The following DOCK7 variants were observed in gnomAD, a reference collection of about 807,000 sequenced individuals.
DOCK7 encodes the protein dedicator of cytokinesis protein 7.
A neutral mutation model predicts 271.0 loss-of-function variants in DOCK7; 138 were observed. That is an observed-to-expected ratio of 0.51 (90% CI 0.44 to 0.59). The LOEUF is 0.59. Ranked by LOEUF, DOCK7 falls within the 20% of genes least tolerant of loss-of-function variation. The pLI, the probability that DOCK7 is intolerant of heterozygous loss-of-function variation, is 0.00. For missense variants in DOCK7, 2,066 were observed against 2,592.4 expected (o/e 0.80, Z 4.41); for synonymous variants, 823 against 876.1 (o/e 0.94, Z 1.07).
intron 23 of DOCK7, among the ~76,000 whole-genome samples, chr1:62,544,599 G>A (rs1299941301): frequency 2.6e-5 from 4 of 152,006 alleles, no homozygotes; most frequent in Non-Finnish European, 5.9e-5. Context: ...AAAACTGTTG[G>A]GTTTTTTCCT....
At position 62,537,931 on chromosome 1, in the gene DOCK7, G is replaced by C. The variant is rs780185962; in HGVS notation, c.3431C>G (p.Pro1144Arg). Residue 1144 changes from proline (P) to arginine (R), a missense_variant, in exon 28 of 50, where the codon CCT becomes CGT. Around this residue, in one of 2 missense-constraint regions of DOCK7, gnomAD observed 1,414 missense variants for 1,670.4 expected, o/e 0.85. Transcript: ENST00000635253. ...AGAAACAGAAGGTGATGGAGATGCA[G>C]GTGGAGTAAGTAAGCTGCAGGGTAA... ...LNLPCSLLTP[P>R]ASPSPSVSSA... The C allele has an allele frequency of 1.2e-6, 2 of 1,613,962 alleles. No homozygotes were observed. The highest frequency in any genetic ancestry group is 8.5e-7 in the Non-Finnish European group (1 of 1,179,892).
chr1:62,665,839 T>C (rs1335166099), intron 1 of DOCK7, among the ~76,000 whole-genome samples: 2 of 151,132 alleles, frequency 1.3e-5, no homozygotes, highest in Admixed American at 6.6e-5. Context: ...ATGAGTAAAC[T>C]GAATAGTAAA....
intron 48 of DOCK7, among the ~76,000 whole-genome samples, chr1:62,471,337 T>C (rs983755988): frequency 1.3e-5 from 2 of 152,152 alleles, no homozygotes; most frequent in African/African-American, 2.4e-5. Flanking sequence ...AGAAACTTTT[T>C]AGAATGTACT....
chr1:62,535,396 A>G, intron 29 of DOCK7, 97 bp downstream of exon 29: 2 of 1,023,800 alleles, frequency 2.0e-6, no homozygotes, highest in Non-Finnish European at 2.8e-6. Context: ...AGTGTGAAAG[A>G]TTATTCTCCT....
chr1:62,463,908 A>G (rs1645600127), intron 48 of DOCK7, among the ~76,000 whole-genome samples: 1 of 152,216 alleles, frequency 6.6e-6, no homozygotes. Flanking sequence ...GGTGGTAGAC[A>G]CATGACTTTT....
chr1:62,477,513 T>A (rs1646001007), intron 44 of DOCK7, among the ~76,000 whole-genome samples, 187 bp downstream of exon 44: 1 of 152,354 alleles, frequency 6.6e-6, no homozygotes, highest in Non-Finnish European at 1.5e-5. Context: ...ACAATATTAC[T>A]ATTTTATTGC....
chr1:62,553,330 A>C (rs1376772693), intron 21 of DOCK7, among the ~76,000 whole-genome samples: 1 of 3,626 alleles, frequency 2.8e-4, no homozygotes, highest in African/African-American at 1.2e-3. Context: ...ATATATATAT[A>C]TATATATATA....
chr1:62,635,047 T>C, intron 8 of DOCK7, 125 bp from the exon 9 acceptor site: 2 of 497,152 alleles, frequency 4.0e-6, no homozygotes, highest in Non-Finnish European at 7.0e-6. Context: ...CTGTTTTCAA[T>C]TACAGTAATT....
intron 48 of DOCK7, 171 bp from the exon 49 acceptor site, chr1:62,457,876 A>G: frequency 1.7e-6 from 1 of 583,036 alleles, no homozygotes; most frequent in Non-Finnish European, 2.9e-6. Flanking sequence ...TAGGCCAGGC[A>G]TGGTGGCTCA....
intron 2 of DOCK7, among the ~76,000 whole-genome samples, chr1:62,656,034 T>A (rs76949562): frequency 6.6e-6 from 1 of 152,276 alleles, no homozygotes; most frequent in South Asian, 2.1e-4. Flanking sequence ...ACCTATCTTA[T>A]TAAGTACAAA....
chr1:62,686,110 G>A (rs1170095570), intron 1 of DOCK7, among the ~76,000 whole-genome samples: 1 of 151,690 alleles, frequency 6.6e-6, no homozygotes, highest in African/African-American at 2.4e-5. Flanking sequence ...ATAAACTTCT[G>A]GTTCTAATAA....
chr1:62,592,208 A>G (rs1335138087), intron 14 of DOCK7, among the ~76,000 whole-genome samples: 3 of 152,314 alleles, frequency 2.0e-5, no homozygotes, highest in Non-Finnish European at 4.4e-5. Flanking sequence ...AAGTCTTTAC[A>G]TTGCATTTAA....
At chr1:62,469,933 G>A (rs1645782792) in intron 48 of DOCK7, among the ~76,000 whole-genome samples, 1 of 151,450 alleles carries the variant, frequency 6.6e-6, no homozygotes, top group Non-Finnish European at 1.5e-5. Flanking sequence ...ATGGATACTG[G>A]TGTGGATGCG....
chr1:62,558,712 A>G (rs570363725), intron 20 of DOCK7, among the ~76,000 whole-genome samples: 149 of 152,264 alleles, frequency 9.8e-4, no homozygotes, highest in Non-Finnish European at 1.9e-3. Context: ...AACAGTGCCT[A>G]TCAGTGTCAG....
intron 1 of DOCK7, 150 bp downstream of exon 1, chr1:62,688,076 AC>A (rs1205931012): frequency 9.9e-7 from 1 of 1,014,240 alleles, no homozygotes; most frequent in Non-Finnish European, 1.2e-6. Flanking sequence ...CCCCTCAGCC[AC>A]CCCGAACCCC....
chr1:62,502,939 GA>G (rs1646827811), intron 37 of DOCK7, among the ~76,000 whole-genome samples: 1 of 152,002 alleles, frequency 6.6e-6, no homozygotes, highest in African/African-American at 2.4e-5. Context: ...GAAAATTAAA[GA>G]ACAGGCAAAG....
At chr1:62,646,591 T>C (rs887003577) in intron 7 of DOCK7, among the ~76,000 whole-genome samples, 2 of 152,198 alleles carry the variant, frequency 1.3e-5, no homozygotes, top group African/African-American at 4.8e-5. Flanking sequence ...AAAAGTCATG[T>C]GAGAATGCAG....
chr1:62,510,961 G>C lies in DOCK7; in HGVS notation c.4283-288C>G, dbSNP rs571321213. 3.8e-5 allele frequency: 11 copies of C among 292,904 alleles called. No individual in the cohort carries two copies. The South Asian group carries it at 5.6e-4, about 15-fold the overall frequency. 18.1% of individuals were successfully genotyped at this position (292,904 alleles called of 1,614,324 possible). On this transcript the variant is annotated intron_variant, in intron 33 of 49. Transcript: ENST00000635253. ...TAAAATCTTAACCATGGCTTATAAG[G>C]CCTTACATGATATGACTTTATTTCC...
At position 62,496,042 on chromosome 1, in the gene DOCK7, T is replaced by G. The variant is rs1471965801; in HGVS notation, c.4923+297A>C. ...AGAAACTTTAGTTTTTAAGGCATATTATTGTTTGATTAATAAGTAGGAACG... is the reference window on the plus strand; with the variant it reads ...AGAAACTTTAGTTTTTAAGGCATATGATTGTTTGATTAATAAGTAGGAACG... On this transcript the variant is annotated intron_variant, in intron 38 of 49. Coordinates refer to ENST00000635253, the MANE Select transcript of DOCK7 (RefSeq NM_001367561.1). 1.1e-5 allele frequency: 4 copies of G among 379,478 alleles called. No individual in the cohort carries two copies. The South Asian group carries it at 1.8e-4, about 17-fold the overall frequency. 23.5% of individuals were successfully genotyped at this position (379,478 alleles called of 1,614,324 possible).
Sources: gnomAD v4.1 joint callset for allele counts (sites outside exome capture counted in the v4.1 genomes callset) on GRCh38, gnomAD v4.1.1 for gene constraint, gnomAD v4.1.1 regional missense constraint, MANE v1.5 for transcripts, NCBI Gene and HGNC (gene_info 2026-07-23, HGNC 2026-07-21) for gene names.